The following ATOX1 variants were observed in gnomAD, a reference collection of about 807,000 sequenced individuals.
ATOX1 encodes copper transport protein ATOX1.
In ATOX1, 4 loss-of-function variants were observed where a neutral mutation model predicts 7.3. The observed-to-expected ratio is 0.55, with a 90% CI of 0.27 to 1.25. The LOEUF is 1.25. Among genes scored for constraint, ATOX1 ranks in the 50% most tolerant of loss-of-function variants. The pLI is 0.12. For synonymous variants in ATOX1, 25 were observed against 28.7 expected (o/e 0.87, Z 0.41); for missense variants, 68 against 81.6 (o/e 0.83, Z 0.64).
At chr5:151,751,817 T>C (rs755626530) in intron 1 of ATOX1, 38 bp from the exon 2 acceptor site, 1 of 1,572,242 alleles carries the variant, frequency 6.4e-7, no homozygotes, top group African/African-American at 1.4e-5. Flanking sequence ...CCGAGCCCTG[T>C]AGAGTGACCC....
intron 2 of ATOX1, 133 bp from the exon 3 acceptor site, chr5:151,746,582 T>C: frequency 3.3e-6 from 4 of 1,221,842 alleles, no homozygotes; most frequent in Non-Finnish European, 4.6e-6. Context: ...ATCGGCAAAC[T>C]TCTTCTGTAA....
rs147016981 is a variant in ATOX1 at position 151,746,719 on chromosome 5, T to C, written c.83-270A>G. Among the ~76,000 whole-genome samples the C allele has an allele frequency of 2.9e-3, 448 of 152,292 alleles. 3 individuals carry two copies. Among genetic ancestry groups the C allele is most frequent in the African/African-American group, 0.011 (437 of 41,560 alleles). On this transcript the variant is annotated intron_variant, in intron 2 of 3. Transcript: ENST00000313115. ...CAGGCTGTGAGCAGGATTTGGCCCA[T>C]GTGCTGATCTCTGTTCTATACTAGG...
chr5:151,750,918 G>T (rs1220257483), intron 2 of ATOX1, among the ~76,000 whole-genome samples: 1 of 151,860 alleles, frequency 6.6e-6, no homozygotes, highest in Non-Finnish European at 1.5e-5. Flanking sequence ...CTTCCGAAAT[G>T]CTGGGATCAC....
intron 2 of ATOX1, 129 bp downstream of exon 2, chr5:151,751,575 G>T: frequency 1.2e-6 from 1 of 815,828 alleles, no homozygotes; most frequent in Non-Finnish European, 1.9e-6. Context: ...AAGAGTAGTT[G>T]GCACGTGCTA....
At chr5:151,748,621 G>C (rs1177425933) in intron 2 of ATOX1, among the ~76,000 whole-genome samples, 3 of 152,176 alleles carry the variant, frequency 2.0e-5, no homozygotes, top group African/African-American at 7.2e-5. Flanking sequence ...CAGCACTTTG[G>C]GAGGCTGAGG....
intron 1 of ATOX1, among the ~76,000 whole-genome samples, chr5:151,754,711 G>A (rs1380797083): frequency 1.3e-5 from 2 of 152,008 alleles, no homozygotes; most frequent in Non-Finnish European, 2.9e-5. Flanking sequence ...CGGGCCAGGT[G>A]TGGTGGCTCA....
At chr5:151,757,879 T>C (rs1762036590) in intron 1 of ATOX1, among the ~76,000 whole-genome samples, 1 of 152,164 alleles carries the variant, frequency 6.6e-6, no homozygotes, top group Non-Finnish European at 1.5e-5. Context: ...CGAGCAACAA[T>C]ATATGTGATA....
chr5:151,756,467 CT>C lies in ATOX1; in HGVS notation c.6+2078del, dbSNP rs369903211. ...TCTTTTCTTTCTCTCTCCTTCCTTC[CT>C]TTTTTTTTTTTCTTTTGAGACAGGG... is the stretch of plus-strand genomic sequence containing the variant. On this transcript the variant is annotated intron_variant, in intron 1 of 3. Coordinates refer to ENST00000313115, the MANE Select transcript of ATOX1 (RefSeq NM_004045.4). Among the ~76,000 whole-genome samples the C allele has an allele frequency of 7.0e-3, 996 of 141,740 alleles. 6 individuals carry two copies. The highest frequency in any genetic ancestry group is 0.021 in the African/African-American group (808 of 37,628). The allele number at this position is 141,740 out of a possible 152,430, so 93.0% of individuals were successfully genotyped here.
At position 151,749,487 on chromosome 5, in the gene ATOX1, GA is replaced by G. The variant is rs1271889730; in HGVS notation, c.82+2216del. 7.0e-3 allele frequency among the ~76,000 whole-genome samples: 867 copies of G among 123,666 alleles called. 11 individuals are homozygous for G. The highest frequency in any genetic ancestry group is 0.019 in the African/African-American group (636 of 33,600). 81.1% of individuals were successfully genotyped at this position (123,666 alleles called of 152,430 possible). ...GCAACAAGAGCGAAATTCTGCCTCA[GA>G]AAAAAAAAAAAAATTAGCCAGGCGT... On this transcript the variant is annotated intron_variant, in intron 2 of 3. Coordinates refer to ENST00000313115, the MANE Select transcript of ATOX1 (RefSeq NM_004045.4).
intron 3 of ATOX1, chr5:151,743,986 T>TACA (rs1761851986): frequency 6.6e-6 from 1 of 152,242 alleles, no homozygotes; most frequent in Non-Finnish European, 1.5e-5. Context: ...AGGAATGATT[T>TACA]ACAACACATG....
intron 3 of ATOX1, chr5:151,745,608 A>G (rs1253504862): frequency 6.6e-6 from 1 of 152,264 alleles, no homozygotes; most frequent in Non-Finnish European, 1.5e-5. Flanking sequence ...CAAACATGCT[A>G]TTGTTTTTGT....
chr5:151,746,587 C>T (rs1248031061), intron 2 of ATOX1, 138 bp from the exon 3 acceptor site: 9 of 1,120,524 alleles, frequency 8.0e-6, no homozygotes, highest in Non-Finnish European at 1.1e-5. Context: ...CAAACTTCTT[C>T]TGTAACAGGC....
rs374619344 is a variant in ATOX1 at position 151,748,861 on chromosome 5, AAAAC to A, written c.83-2416_83-2413del. 4.0e-5 allele frequency among the ~76,000 whole-genome samples: 6 copies of A among 150,728 alleles called. No homozygotes were observed. In the East Asian group the frequency reaches 7.8e-4, roughly 20 times the overall value. ...GGGAGACAGAGTGAGACTCCCTCTC[AAAAC>A]AAACAAACAAACAAACAAAACATAT... is the stretch of plus-strand genomic sequence containing the variant. On this transcript the variant is annotated intron_variant, in intron 2 of 3. Transcript: ENST00000313115.
chr5:151,749,446 T>C (rs1010391270), intron 2 of ATOX1, among the ~76,000 whole-genome samples: 8 of 148,966 alleles, frequency 5.4e-5, no homozygotes, highest in Non-Finnish European at 8.9e-5. Context: ...GATCACGCCA[T>C]TGCACTCTAG....
intron 2 of ATOX1, among the ~76,000 whole-genome samples, chr5:151,750,509 CAAAAAAAAAAA>C (rs5872228): frequency 9.8e-6 from 1 of 102,078 alleles, no homozygotes; most frequent in Non-Finnish European, 2.0e-5. Flanking sequence ...GACTTCATCT[CAAAAAAAAAAA>C]AAAAAAAATC....
chr5:151,749,628 C>T (rs1490282987), intron 2 of ATOX1, among the ~76,000 whole-genome samples: 2 of 148,036 alleles, frequency 1.4e-5, no homozygotes, highest in African/African-American at 5.0e-5. Flanking sequence ...CTTCACTCCA[C>T]TCTAGCCTGG....
intron 2 of ATOX1, among the ~76,000 whole-genome samples, chr5:151,747,870 T>A (rs1761897667): frequency 1.3e-5 from 2 of 152,252 alleles, no homozygotes; most frequent in South Asian, 2.1e-4. Flanking sequence ...ACTATAGGCG[T>A]GAGCCACAGT....
intron 2 of ATOX1, among the ~76,000 whole-genome samples, chr5:151,749,714 TAC>T (rs1761923123): frequency 1.3e-5 from 2 of 148,542 alleles, no homozygotes; most frequent in African/African-American, 5.0e-5. Flanking sequence ...CAAAAGCTGA[TAC>T]AGACATACAA....
chr5:151,747,528 G>A (rs1377557923), intron 2 of ATOX1, among the ~76,000 whole-genome samples: 5 of 151,360 alleles, frequency 3.3e-5, no homozygotes, highest in East Asian at 3.9e-4. Context: ...CAAGCGATCC[G>A]CCTGCCTTGG....
Sources: allele counts gnomAD v4.1 joint callset (sites outside exome capture counted in the v4.1 genomes callset), GRCh38; gene constraint gnomAD v4.1.1; transcripts MANE v1.5; gene names NCBI Gene and HGNC (gene_info 2026-07-23, HGNC 2026-07-21).